The following RFTN1 variants were observed in gnomAD, a reference collection of about 807,000 sequenced individuals.
The protein encoded by RFTN1 is raftlin.
Under a neutral mutation model 46.5 loss-of-function variants are expected in RFTN1, and 26 were observed. That is an observed-to-expected ratio of 0.56 (90% CI 0.41 to 0.78). The LOEUF (loss-of-function observed/expected upper bound fraction) is 0.78, where lower values mean the gene tolerates loss of function less well. RFTN1 is among the 30% of genes least tolerant of loss of function. The pLI is 0.00. For synonymous variants in RFTN1, 261 were observed against 284.2 expected (o/e 0.92, Z 0.82); for missense variants, 693 against 718.7 (o/e 0.96, Z 0.41).
chr3:16,406,816 A>T (rs981196544), intron 4 of RFTN1, among the ~76,000 whole-genome samples: 2 of 152,124 alleles, frequency 1.3e-5, no homozygotes, highest in Non-Finnish European at 2.9e-5. Context: ...GTTTCTAAGA[A>T]CCTACACAGT....
chr3:16,428,540 T>G lies in RFTN1; in HGVS notation c.332+5311A>C, dbSNP rs188007775. On this transcript the variant is annotated intron_variant, in intron 3 of 9. Coordinates refer to ENST00000334133, the MANE Select transcript of RFTN1 (RefSeq NM_015150.2). The surrounding 1 kb of genome is among the most constrained non-coding windows in gnomAD (Gnocchi z 4.7). ...CTGCATTAACTACAGGTCCTCTGTGTGCCCCCACCCTAATCCTAGGCCAAA... is the reference window on the plus strand; with the variant it reads ...CTGCATTAACTACAGGTCCTCTGTGGGCCCCCACCCTAATCCTAGGCCAAA... 1.9e-3 allele frequency among the ~76,000 whole-genome samples: 296 copies of G among 152,352 alleles called. 1 individual carries two copies. Among genetic ancestry groups the G allele is most frequent in the African/African-American group, 6.9e-3 (285 of 41,582 alleles).
chr3:16,488,100 C>CTTT (rs11328637), intron 2 of RFTN1, among the ~76,000 whole-genome samples: 2 of 125,754 alleles, frequency 1.6e-5, no homozygotes, highest in African/African-American at 5.7e-5. Context: ...GTGATCCTGA[C>CTTT]TTTTTTTTTT....
Position 16,433,016 on chromosome 3 carries a change from T to A in RFTN1, c.332+835A>T, listed in dbSNP as rs2075424781. Among the ~76,000 whole-genome samples, 1 of 152,234 alleles carries A rather than the reference T, an allele frequency of 6.6e-6. No individual in the cohort carries two copies. Among genetic ancestry groups the A allele is most frequent in the Non-Finnish European group, 1.5e-5 (1 of 68,048 alleles). On this transcript the variant is annotated intron_variant, in intron 3 of 9. Coordinates refer to ENST00000334133, the MANE Select transcript of RFTN1 (RefSeq NM_015150.2). This position sits in a 1 kb window ranked among gnomAD's most constrained non-coding sequence, Gnocchi z 4.4. ...TTAAAAGGAGAGAACAAGGAGGAGC[T>A]GCTCTGTACTCCCTTTTTAAAATGT...
At position 16,402,123 on chromosome 3, in the gene RFTN1, C is replaced by A. The variant is rs2074619650; in HGVS notation, c.441+7252G>T. ...TCTCATCACCTCTCTGCCCCCAGGGCTCCTCATGCTGTGTTCTTGGTCCTT... is the reference window on the plus strand; with the variant it reads ...TCTCATCACCTCTCTGCCCCCAGGGATCCTCATGCTGTGTTCTTGGTCCTT... On this transcript the variant is annotated intron_variant, in intron 4 of 9. Transcript: ENST00000334133. The surrounding 1 kb of genome is among the most constrained non-coding windows in gnomAD (Gnocchi z 4.5). Among the ~76,000 whole-genome samples, 2 of 152,204 alleles carry A rather than the reference C, an allele frequency of 1.3e-5. No homozygotes were observed. Among genetic ancestry groups the A allele is most frequent in the Non-Finnish European group, 2.9e-5 (2 of 68,034 alleles).
chr3:16,439,323 G>A (rs2075578235), intron 2 of RFTN1, among the ~76,000 whole-genome samples: 2 of 152,184 alleles, frequency 1.3e-5, no homozygotes, highest in Non-Finnish European at 2.9e-5. Flanking sequence ...CATACCAGTT[G>A]TAGCCTGTTG....
chr3:16,464,333 C>T (rs531759136), intron 2 of RFTN1, among the ~76,000 whole-genome samples: 1 of 152,146 alleles, frequency 6.6e-6, no homozygotes, highest in Non-Finnish European at 1.5e-5. Context: ...AGCTACAGAT[C>T]GTCAGCTCAC....
rs1487111299 is a variant in RFTN1, at chr3:16,451,007, C to T, written c.146-16970G>A. ...TAGGATCTTCAGCTCAAACGGAGAA[C>T]TCTGGACTGGGGATAGAAAACGGAG... On this transcript the variant is annotated intron_variant, in intron 2 of 9. Coordinates refer to ENST00000334133, the MANE Select transcript of RFTN1 (RefSeq NM_015150.2). This position sits in a 1 kb window ranked among gnomAD's most constrained non-coding sequence, Gnocchi z 4.2. Among the ~76,000 whole-genome samples, 1 of 152,124 alleles carries T rather than the reference C, an allele frequency of 6.6e-6. No homozygotes were observed. The highest frequency in any genetic ancestry group is 1.5e-5 in the Non-Finnish European group (1 of 68,022).
chr3:16,470,791 A>G (rs967161296), intron 2 of RFTN1, among the ~76,000 whole-genome samples: 5 of 152,220 alleles, frequency 3.3e-5, no homozygotes, highest in African/African-American at 1.2e-4. Flanking sequence ...TCACAGTCAC[A>G]ATGTCCAGGA....
At chr3:16,403,607 T>C (rs1313206213) in intron 4 of RFTN1, among the ~76,000 whole-genome samples, 6 of 51,550 alleles carry the variant, frequency 1.2e-4, no homozygotes, top group African/African-American at 6.8e-4. Flanking sequence ...ATATATAATA[T>C]ATATATAATA....
intron 5 of RFTN1, among the ~76,000 whole-genome samples, chr3:16,375,474 CAAG>C (rs1458522197): frequency 6.6e-6 from 1 of 151,900 alleles, no homozygotes; most frequent in East Asian, 1.9e-4. Context: ...TGAGATGACA[CAAG>C]AAGGACACAG....
chr3:16,506,885 T>A lies in RFTN1; in HGVS notation c.-9+6557A>T, dbSNP rs1411901425. Among the ~76,000 whole-genome samples, 1 of 152,156 alleles carries A rather than the reference T, an allele frequency of 6.6e-6. No homozygotes were observed. Among genetic ancestry groups the A allele is most frequent in the Non-Finnish European group, 1.5e-5 (1 of 68,028 alleles). On this transcript the variant is annotated intron_variant, in intron 1 of 9. Transcript: ENST00000334133. This position sits in a 1 kb window ranked among gnomAD's most constrained non-coding sequence, Gnocchi z 4.8. ...CCTACTTAGCAGCATCTTTCGGGAA[T>A]AGGAAAGACACTTATCTGGTACAGG... is the stretch of plus-strand genomic sequence containing the variant.
At chr3:16,394,317 A>G (rs1270766312) in intron 4 of RFTN1, among the ~76,000 whole-genome samples, 2 of 152,292 alleles carry the variant, frequency 1.3e-5, no homozygotes, top group East Asian at 3.9e-4. Flanking sequence ...TTGAAGCTGT[A>G]GTGAGCTATG....
At position 16,449,505 on chromosome 3, in the gene RFTN1, C is replaced by T. The variant is rs1273907029; in HGVS notation, c.146-15468G>A. On this transcript the variant is annotated intron_variant, in intron 2 of 9. Coordinates refer to ENST00000334133, the MANE Select transcript of RFTN1 (RefSeq NM_015150.2). This position sits in a 1 kb window ranked among gnomAD's most constrained non-coding sequence, Gnocchi z 5.1. ...ATGCACATAAAGTCCTAGAACTGCACCTGGAACTGGTAACTCCTCCATACA... is the reference window on the plus strand; with the variant it reads ...ATGCACATAAAGTCCTAGAACTGCATCTGGAACTGGTAACTCCTCCATACA... Among the ~76,000 whole-genome samples, 1 of 152,176 alleles carries T rather than the reference C, an allele frequency of 6.6e-6. No homozygotes were observed. The highest frequency in any genetic ancestry group is 2.4e-5 in the African/African-American group (1 of 41,432).
rs543607843 is a variant in RFTN1 at position 16,466,090 on chromosome 3, C to G, written c.145+27635G>C. Among the ~76,000 whole-genome samples the G allele has an allele frequency of 6.0e-4, 92 of 152,320 alleles. No homozygotes were observed. The Middle Eastern group carries it at 0.014, about 23-fold the overall frequency. On this transcript the variant is annotated intron_variant, in intron 2 of 9. Coordinates refer to ENST00000334133, the MANE Select transcript of RFTN1 (RefSeq NM_015150.2). This position sits in a 1 kb window ranked among gnomAD's most constrained non-coding sequence, Gnocchi z 5.6. ...TGCTCTGAATTCTTCTGTGGCTCCC[C>G]AGTGCTCAATTTTGGGGTCCAAGCG...
chr3:16,482,668 T>C (rs1468217907), intron 2 of RFTN1: 1 of 1,148,504 alleles, frequency 8.7e-7, no homozygotes, highest in African/African-American at 1.5e-5. Flanking sequence ...TCTATAAGGA[T>C]TAATTGACAC....
chr3:16,425,629 C>T lies in RFTN1; in HGVS notation c.332+8222G>A, dbSNP rs907037568. On this transcript the variant is annotated intron_variant, in intron 3 of 9. Transcript: ENST00000334133. The surrounding 1 kb of genome is among the most constrained non-coding windows in gnomAD (Gnocchi z 4.3). ...AGGCCAATGCTTTGGAGGAAGAGAACAAGAGTAACTCGGCAAGCCATTTAG... is the reference window on the plus strand; with the variant it reads ...AGGCCAATGCTTTGGAGGAAGAGAATAAGAGTAACTCGGCAAGCCATTTAG... Among the ~76,000 whole-genome samples, 1 of 152,086 alleles carries T rather than the reference C, an allele frequency of 6.6e-6. No individual in the cohort carries two copies. The highest frequency in any genetic ancestry group is 2.4e-5 in the African/African-American group (1 of 41,398).
At chr3:16,432,224 G>A (rs1206803448) in intron 3 of RFTN1, among the ~76,000 whole-genome samples, 1 of 152,054 alleles carries the variant, frequency 6.6e-6, no homozygotes, top group African/African-American at 2.4e-5. Flanking sequence ...CAACCTAAAG[G>A]AACCAATAAT....
intron 7 of RFTN1, among the ~76,000 whole-genome samples, chr3:16,328,133 A>C (rs921833805): frequency 1.3e-5 from 2 of 152,260 alleles, no homozygotes; most frequent in African/African-American, 4.8e-5. Context: ...CAGCACAAAC[A>C]TGCCAGGAAC....
rs573452216 is a variant in RFTN1 at position 16,500,683 on chromosome 3, A to G, written c.-8-6806T>C. ...TCTGGAAAAAATTTTGGCTGAATCA[A>G]ACCTTAAGTGGGATGTCTCTTTGGT... On this transcript the variant is annotated intron_variant, in intron 1 of 9. Transcript: ENST00000334133. The surrounding 1 kb of genome is among the most constrained non-coding windows in gnomAD (Gnocchi z 5.9). Among the ~76,000 whole-genome samples, 2 of 152,378 alleles carry G rather than the reference A, an allele frequency of 1.3e-5. No individual in the cohort carries two copies. Among genetic ancestry groups the G allele is most frequent in the South Asian group, 4.1e-4 (2 of 4,832 alleles).
Sources: allele counts gnomAD v4.1 joint callset (sites outside exome capture counted in the v4.1 genomes callset), GRCh38; gene constraint gnomAD v4.1.1; non-coding constraint Gnocchi (gnomAD v3.1); transcripts MANE v1.5; gene names NCBI Gene and HGNC (gene_info 2026-07-23, HGNC 2026-07-21).